NFKBID: variants seen among roughly 807,000 people sequenced by gnomAD.
NFKBID encodes the protein NFKB inhibitor delta, also known as NF-kappa-B inhibitor delta.
A neutral mutation model predicts 53.4 loss-of-function variants in NFKBID; 26 were observed. The observed-to-expected ratio is 0.49, with a 90% CI of 0.36 to 0.68. The LOEUF (loss-of-function observed/expected upper bound fraction) is 0.68. Among genes scored for constraint, NFKBID ranks in the 30% least tolerant of loss-of-function variants. The pLI is 0.00. For synonymous variants in NFKBID, 262 were observed against 259.8 expected (o/e 1.01, Z -0.08); for missense variants, 493 against 614.1 (o/e 0.80, Z 2.08).
exon 1 of NFKBID, chr19:35,900,459 G>A (rs898222147): frequency 6.6e-5 from 81 of 1,231,938 alleles, no homozygotes; most frequent in Non-Finnish European, 7.7e-5. Flanking sequence ...ATTCCGTGGC[G>A]TGGATTGCGG....
intron 9 of NFKBID, among the ~76,000 whole-genome samples, chr19:35,895,335 A>C (rs972759893): frequency 3.3e-5 from 5 of 151,650 alleles, no homozygotes; most frequent in Admixed American, 3.3e-4. Flanking sequence ...AAAAAAAAAA[A>C]AAAATAGCCA....
chr19:35,898,932 G>T (rs1248596281), intron 1 of NFKBID, 110 bp from the exon 2 acceptor site: 5 of 736,600 alleles, frequency 6.8e-6, no homozygotes, highest in Non-Finnish European at 1.1e-5. Flanking sequence ...CCTCCCGCGC[G>T]GAAAAACTGG....
chr19:35,897,604 G>A lies in NFKBID; in HGVS notation c.432+47C>T, dbSNP rs73928350. 14,894 of 973,650 alleles carry A rather than the reference G, an allele frequency of 0.015. 1,373 individuals carry two copies. The African/African-American group carries it at 0.21, about 13-fold the overall frequency. 60.3% of individuals were successfully genotyped at this position (973,650 alleles called of 1,614,324 possible). On this transcript the variant is annotated intron_variant, in intron 4 of 11. Transcript: ENST00000641389. ...CAGAATACTGCAGGAGTGCAACTGCGAATTTTTAGGGGCCCTTCAGCATCC... is the reference window on the plus strand; with the variant it reads ...CAGAATACTGCAGGAGTGCAACTGCAAATTTTTAGGGGCCCTTCAGCATCC...
chr19:35,902,179 AC>A (rs1015248529), upstream of NFKBID: 2 of 702,584 alleles, frequency 2.8e-6, no homozygotes, highest in African/African-American at 3.5e-5. Flanking sequence ...TTCCCCGCAA[AC>A]CCACTTCCCT....
At chr19:35,892,408 G>A (rs1974830141) in intron 9 of NFKBID, among the ~76,000 whole-genome samples, 1 of 151,584 alleles carries the variant, frequency 6.6e-6, no homozygotes, top group Non-Finnish European at 1.5e-5. Context: ...AAATTAGTGG[G>A]GTGTGATAGC....
intron 11 of NFKBID, among the ~76,000 whole-genome samples, chr19:35,889,342 C>A (rs946059829): frequency 1.3e-5 from 2 of 152,036 alleles, no homozygotes; most frequent in African/African-American, 4.8e-5. Context: ...GGCAACAGAG[C>A]AAGACGCTGC....
chr19:35,897,769 G>A (rs1975285591), exon 4 of NFKBID: 2 of 1,609,888 alleles, frequency 1.2e-6, no homozygotes, highest in Non-Finnish European at 1.7e-6. Context: ...AGTGTAGGCA[G>A]CATGCGTGTT....
At chr19:35,889,186 T>TAA (rs552654313) in intron 11 of NFKBID, among the ~76,000 whole-genome samples, 32 of 131,348 alleles carry the variant, frequency 2.4e-4, no homozygotes, top group African/African-American at 7.7e-4. Context: ...CCCCATCTCT[T>TAA]AAAAAAAAAA....
At position 35,896,163 on chromosome 19, in the gene NFKBID, C is replaced by T. The variant is rs747593183; in HGVS notation, c.884-35G>A. 6.2e-7 allele frequency: 1 copy of T among 1,613,730 alleles called. No individual in the cohort carries two copies. ...GGAGACAGTGAGGGACCCGCATCTGCACCCACCTCGCCCAGCCACACCAAC... is the reference window on the plus strand; with the variant it reads ...GGAGACAGTGAGGGACCCGCATCTGTACCCACCTCGCCCAGCCACACCAAC... On this transcript the variant is annotated intron_variant, in intron 8 of 11. Coordinates refer to ENST00000641389, the Ensembl canonical transcript of NFKBID. This position sits in a 1 kb window ranked among gnomAD's most constrained non-coding sequence, Gnocchi z 5.7.
intron 9 of NFKBID, among the ~76,000 whole-genome samples, chr19:35,895,453 A>G (rs1178307285): frequency 6.6e-6 from 1 of 151,604 alleles, no homozygotes; most frequent in Non-Finnish European, 1.5e-5. Context: ...GCACCACTGC[A>G]CTCTAGCCTG....
At chr19:35,895,665 G>C (rs148963046) in intron 9 of NFKBID, among the ~76,000 whole-genome samples, 4 of 151,270 alleles carry the variant, frequency 2.6e-5, no homozygotes, top group South Asian at 4.2e-4. Context: ...TTAGCCAGGC[G>C]TGGTGACTCA....
intron 9 of NFKBID, 130 bp from the exon 10 acceptor site, chr19:35,890,620 T>G (rs1195473499): frequency 1.3e-6 from 1 of 761,848 alleles, no homozygotes; most frequent in Admixed American, 1.8e-5. Flanking sequence ...TCCTAGCACT[T>G]TGGGAAGCTG....
chr19:35,892,849 A>T (rs7255320), intron 9 of NFKBID, among the ~76,000 whole-genome samples: 4 of 152,206 alleles, frequency 2.6e-5, no homozygotes, highest in African/African-American at 9.6e-5. Flanking sequence ...TAAAAGTACA[A>T]GAAAGTGGTC....
chr19:35,893,680 C>A (rs535531571), intron 9 of NFKBID, among the ~76,000 whole-genome samples: 7 of 151,864 alleles, frequency 4.6e-5, no homozygotes, highest in Non-Finnish European at 8.8e-5. Flanking sequence ...TTTAGCCGGG[C>A]GTGGTGGCGG....
At chr19:35,901,868 G>T, upstream of NFKBID, 2 of 380,420 alleles carry the variant, frequency 5.3e-6, no homozygotes, top group South Asian at 2.6e-5. Flanking sequence ...CCTCTCCCCT[G>T]CTTTCAAGAT....
exon 11 of NFKBID, chr19:35,890,026 G>C: frequency 6.2e-7 from 1 of 1,606,144 alleles, no homozygotes; most frequent in Non-Finnish European, 8.5e-7. Context: ...CAGGGCAGCC[G>C]CCATGTGGAG....
upstream of NFKBID, chr19:35,900,704 C>T (rs1975516032): frequency 3.4e-6 from 4 of 1,159,474 alleles, no homozygotes; most frequent in African/African-American, 6.4e-5. Context: ...TCAGTCCCCC[C>T]GGGAAGGAGG....
At chr19:35,891,349 T>C (rs1330010636) in intron 9 of NFKBID, among the ~76,000 whole-genome samples, 1 of 152,184 alleles carries the variant, frequency 6.6e-6, no homozygotes, top group Non-Finnish European at 1.5e-5. Context: ...ACCACCTAGT[T>C]TGCTCGTCCA....
At chr19:35,899,078 G>T (rs1405627985) in intron 1 of NFKBID, among the ~76,000 whole-genome samples, 1 of 152,198 alleles carries the variant, frequency 6.6e-6, no homozygotes, top group Non-Finnish European at 1.5e-5. Context: ...AAGTGAGGAA[G>T]GGGGAGGAGG....
Sources: gnomAD v4.1 joint callset for allele counts (sites outside exome capture counted in the v4.1 genomes callset) on GRCh38, gnomAD v4.1.1 for gene constraint, Gnocchi (gnomAD v3.1) non-coding constraint, MANE v1.5 for transcripts, NCBI Gene and HGNC (gene_info 2026-07-23, HGNC 2026-07-21) for gene names.